PCDHB16: variants seen among roughly 807,000 people sequenced by gnomAD.
PCDHB16 encodes protocadherin beta 16, also known as protocadherin beta-16.
For synonymous variants in PCDHB16, 444 were observed against 436.5 expected (o/e 1.02, Z -0.21); for missense variants, 1,026 against 989.9 (o/e 1.04, Z -0.49).
In PCDHB16 at chr5:141,185,973, TA is replaced by T; in HGVS notation, c.*1089del. The stretch of plus-strand genomic sequence containing the variant: ...TAATTTATTCTTTCTATTACTGAAT[TA>T]AAAAATCAGAGGTCCCTGTTATATT... On this transcript the variant is annotated 3_prime_UTR_variant, in exon 1 of 1. Coordinates refer to ENST00000609684, the MANE Select transcript of PCDHB16 (RefSeq NM_020957.4). 1 of 961,726 alleles carries T rather than the reference TA, an allele frequency of 1.0e-6. No homozygotes were observed. Among genetic ancestry groups the T allele is most frequent in the Non-Finnish European group, 1.3e-6 (1 of 795,018 alleles). The allele number at this position is 961,726 out of a possible 1,614,324, so 59.6% of individuals were successfully genotyped here.
rs1366419240 is a variant in PCDHB16, at chr5:141,183,716, A to G, written c.1157A>G (p.Gln386Arg). Residue 386 changes from glutamine to arginine, a missense_variant, in exon 1 of 1, where the codon CAG becomes CGG. Physicochemically the swap from Gln to Arg is conservative, Grantham distance 43. Coordinates refer to ENST00000609684, the MANE Select transcript of PCDHB16 (RefSeq NM_020957.4). ...GNNGKTISSI[Q>R]EDLPFLLKPS... ...AATGGGAAGACGATTTCCTCCATCC[A>G]GGAAGACCTTCCCTTTCTTCTAAAA... 4 of 1,614,216 alleles carry G rather than the reference A, an allele frequency of 2.5e-6. No individual in the cohort carries two copies. Among genetic ancestry groups the G allele is most frequent in the Non-Finnish European group, 2.5e-6 (3 of 1,180,030 alleles).
Position 141,183,058 on chromosome 5 carries a change from G to A in PCDHB16, c.499G>A (p.Val167Ile), listed in dbSNP as rs782692202. 4 of 1,614,040 alleles carry A rather than the reference G, an allele frequency of 2.5e-6. No homozygotes were observed. Among genetic ancestry groups the A allele is most frequent in the Non-Finnish European group, 3.4e-6 (4 of 1,180,042 alleles). The change falls in exon 1 of 1, where the codon GTT becomes ATT. Residue 167 changes from valine (V) to isoleucine (I), a missense_variant. Coordinates refer to ENST00000609684, the MANE Select transcript of PCDHB16 (RefSeq NM_020957.4). ...ALDLDVGSNNVQNYKISPSSH... is the reference protein window; with the variant it reads ...ALDLDVGSNNIQNYKISPSSH... The stretch of plus-strand genomic sequence containing the variant: ...GGACTTGGACGTAGGAAGCAATAAT[G>A]TTCAAAACTATAAAATCAGCCCAAG...
rs1554282196 is a variant in PCDHB16, at chr5:141,183,671, C to T, written c.1112C>T (p.Ser371Leu). The change falls in exon 1 of 1, where the codon TCA becomes TTA. Residue 371 changes from serine (S) to leucine (L), a missense_variant. Coordinates refer to ENST00000609684, the MANE Select transcript of PCDHB16 (RefSeq NM_020957.4). ...ATAGTAGTTGCTGTTTTCAGCGTTT[C>T]AGATCCTGACTCCGGAAACAATGGG... ...PEIVVAVFSV[S>L]DPDSGNNGKT... 1 of 1,614,220 alleles carries T rather than the reference C, an allele frequency of 6.2e-7. No individual in the cohort carries two copies. The highest frequency in any genetic ancestry group is 1.1e-5 in the South Asian group (1 of 91,082).
Sources: gnomAD v4.1 joint callset for allele counts on GRCh38, gnomAD v4.1.1 for gene constraint, MANE v1.5 for transcripts, NCBI Gene and HGNC (gene_info 2026-07-23, HGNC 2026-07-21) for gene names.